The following PTPRQ variants were observed in gnomAD, a reference collection of about 807,000 sequenced individuals.
PTPRQ encodes the protein phosphatidylinositol phosphatase PTPRQ.
Under a neutral mutation model 246.0 loss-of-function variants are expected in PTPRQ, and 199 were observed. That is an observed-to-expected ratio of 0.81 (90% CI 0.72 to 0.91). PTPRQ has a LOEUF of 0.91. Ranked by LOEUF, PTPRQ falls within the 40% of genes least tolerant of loss-of-function variation. PTPRQ has a pLI of 0.00. For synonymous variants in PTPRQ, 869 were observed against 853.2 expected, an observed-to-expected ratio of 1.02 and a Z score of -0.32; for missense variants, 2,624 against 2,528.4, an observed-to-expected ratio of 1.04 and a Z score of -0.81.
At chr12:80,628,459 A>G (rs1899291038) in intron 33 of PTPRQ, among the ~76,000 whole-genome samples, 1 of 152,186 alleles carries the variant, frequency 6.6e-6, no homozygotes, top group African/African-American at 2.4e-5. Context: ...CTTGACTGTA[A>G]TACTTTGTGC....
At chr12:80,675,046 A>G (rs1700243038) in intron 43 of PTPRQ, among the ~76,000 whole-genome samples, 1 of 152,170 alleles carries the variant, frequency 6.6e-6, no homozygotes, top group Non-Finnish European at 1.5e-5. Context: ...TAGGTAAACT[A>G]GGTAATATAA....
chr12:80,642,836 C>T (rs1397979172), intron 35 of PTPRQ, among the ~76,000 whole-genome samples: 1 of 140,848 alleles, frequency 7.1e-6, no homozygotes, highest in Non-Finnish European at 1.5e-5. Context: ...AGGAGAATGG[C>T]GTGAACCCGG....
intron 20 of PTPRQ, 98 bp from the exon 21 acceptor site, chr12:80,541,457 G>A (rs1016012826): frequency 1.1e-6 from 1 of 933,110 alleles, no homozygotes; most frequent in Non-Finnish European, 1.4e-6. Flanking sequence ...AGCTGATGAT[G>A]TAATAGTTGC....
intron 25 of PTPRQ, among the ~76,000 whole-genome samples, chr12:80,565,916 A>C (rs1214409892): frequency 6.6e-6 from 1 of 152,302 alleles, no homozygotes; most frequent in South Asian, 2.1e-4. Flanking sequence ...GACACGCATA[A>C]GTTGCAGCCA....
Position 80,613,603 on chromosome 12 carries a change from C to T in PTPRQ, c.4930C>T (p.Pro1644Ser), listed in dbSNP as rs995056979. Reference sequence around the variant, plus strand: ...ATATTTTATTTTAGCCCCAAAGGACCCACCTAACAACATGACATTTCAGAA... The same window carrying T: ...ATATTTTATTTTAGCCCCAAAGGACTCACCTAACAACATGACATTTCAGAA... ...VTTLESAPKD[P>S]PNNMTFQKIP... Residue 1644 changes from proline (P) to serine (S), a missense_variant, in exon 29 of 45, where the codon CCA becomes TCA. Coordinates refer to ENST00000644991, the MANE Select transcript of PTPRQ (RefSeq NM_001145026.2). 1.2e-5 allele frequency: 19 copies of T among 1,528,200 alleles called. No individual in the cohort carries two copies. The highest frequency in any genetic ancestry group is 1.6e-5 in the Non-Finnish European group (18 of 1,135,804). The allele number at this position is 1,528,200 out of a possible 1,614,324, so 94.7% of individuals were successfully genotyped here.
chr12:80,578,273 A>G (rs1056406898), intron 25 of PTPRQ, among the ~76,000 whole-genome samples: 1 of 128,114 alleles, frequency 7.8e-6, no homozygotes, highest in South Asian at 2.5e-4. Context: ...TCCTGTGTCC[A>G]TGTGTTCTCA....
intron 29 of PTPRQ, among the ~76,000 whole-genome samples, chr12:80,615,078 C>G (rs925438858): frequency 6.6e-6 from 1 of 151,020 alleles, no homozygotes; most frequent in African/African-American, 2.4e-5. Flanking sequence ...CTTCTTTGCA[C>G]ACTGCAATTT....
Position 80,669,102 on chromosome 12 carries a change from A to C in PTPRQ, c.6288A>C (p.Lys2096Asn). Residue 2096 changes from lysine (K) to asparagine (N), a missense_variant, in exon 40 of 45, where the codon AAA becomes AAC. By Grantham distance (94) the Lys-to-Asn change is moderately conservative. Coordinates refer to ENST00000644991, the MANE Select transcript of PTPRQ (RefSeq NM_001145026.2). ...GAATGGTGTGGGAAACCAGAGCAAA[A>C]ACATTAGTAATGCTAACACAGTGTT... ...FWRMVWETRA[K>N]TLVMLTQCFE... 1 of 1,550,496 alleles carries C rather than the reference A, an allele frequency of 6.4e-7. No homozygotes were observed. The highest frequency in any genetic ancestry group is 1.4e-5 in the African/African-American group (1 of 73,042).
intron 27 of PTPRQ, among the ~76,000 whole-genome samples, chr12:80,606,321 T>C (rs1898319038): frequency 6.6e-6 from 1 of 150,974 alleles, no homozygotes; most frequent in African/African-American, 2.4e-5. Flanking sequence ...CACTATGGAA[T>C]GTGCAAAGTA....
chr12:80,546,121 C>T (rs1896298153), intron 23 of PTPRQ, among the ~76,000 whole-genome samples: 1 of 152,040 alleles, frequency 6.6e-6, no homozygotes, highest in Admixed American at 6.6e-5. Flanking sequence ...AGTTCAAGAC[C>T]AGCCTGGCCA....
At chr12:80,663,511 A>G (rs1900695194) in intron 39 of PTPRQ, among the ~76,000 whole-genome samples, 1 of 151,898 alleles carries the variant, frequency 6.6e-6, no homozygotes, top group Admixed American at 6.6e-5. Flanking sequence ...GCTTGAATTC[A>G]TGCTATCAAG....
At chr12:80,630,466 T>C (rs950396318) in intron 33 of PTPRQ, among the ~76,000 whole-genome samples, 3 of 152,182 alleles carry the variant, frequency 2.0e-5, no homozygotes, top group Non-Finnish European at 4.4e-5. Context: ...CAAAATACCT[T>C]CCATCAGGAA....
chr12:80,533,311 T>A (rs1214583354), intron 17 of PTPRQ, among the ~76,000 whole-genome samples: 2 of 152,010 alleles, frequency 1.3e-5, no homozygotes, highest in East Asian at 3.8e-4. Flanking sequence ...AGACTCTTTT[T>A]TCCCTTCCTG....
chr12:80,507,452 T>C (rs971191425), intron 16 of PTPRQ, among the ~76,000 whole-genome samples: 1 of 151,948 alleles, frequency 6.6e-6, no homozygotes, highest in African/African-American at 2.4e-5. Context: ...CATCTTTCTT[T>C]CTTTCAAGTT....
At chr12:80,673,518 T>G (rs1456858079) in intron 43 of PTPRQ, among the ~76,000 whole-genome samples, 1 of 152,128 alleles carries the variant, frequency 6.6e-6, no homozygotes, top group Non-Finnish European at 1.5e-5. Context: ...GCATTGTTAC[T>G]GATGGCTCAT....
rs902888826 is a variant in PTPRQ at position 80,642,919 on chromosome 12, T to TAA, written c.5916-5952_5916-5951dup. Among the ~76,000 whole-genome samples, 66 of 77,214 alleles carry TAA rather than the reference T, an allele frequency of 8.5e-4. 2 individuals are homozygous for TAA. Among genetic ancestry groups the TAA allele is most frequent in the Non-Finnish European group, 1.3e-3 (43 of 33,738 alleles). The allele number at this position is 77,214 out of a possible 152,430, so 50.7% of individuals were successfully genotyped here. On this transcript the variant is annotated intron_variant, in intron 35 of 44. Coordinates refer to ENST00000644991, the MANE Select transcript of PTPRQ (RefSeq NM_001145026.2). ...TGGGCGACAGAGCGAGACTCCGTCTTAAAAAAAAAAAAAAAAAAAAAAAAA... is the reference window on the plus strand; with the variant it reads ...TGGGCGACAGAGCGAGACTCCGTCTTAAAAAAAAAAAAAAAAAAAAAAAAAAA...
intron 38 of PTPRQ, 85 bp from the exon 39 acceptor site, chr12:80,657,900 A>T: frequency 2.0e-6 from 2 of 987,726 alleles, no homozygotes; most frequent in Admixed American, 7.9e-5. Context: ...TTATATTATG[A>T]ACTCCTTTGT....
At chr12:80,449,650 T>A (rs1011732394) in intron 3 of PTPRQ, among the ~76,000 whole-genome samples, 4 of 151,990 alleles carry the variant, frequency 2.6e-5, no homozygotes, top group African/African-American at 9.7e-5. Flanking sequence ...CCCCATTGCT[T>A]GTTTTTCTCA....
Position 80,610,586 on chromosome 12 carries a change from A to G in PTPRQ, c.4879A>G (p.Lys1627Glu). ...CATTAGTGCTGCATATGTAGAAGGG[A>G]AGTCAAGTGCTGAAATGATTGTTAC... Reference protein sequence around the residue: ...GNISAAYVEGKSSAEMIVTTL... With the variant: ...GNISAAYVEGESSAEMIVTTL... Residue 1627 changes from lysine (K) to glutamate (E), a missense_variant, in exon 28 of 45, where the codon AAG (lysine) becomes GAG (glutamate). Physicochemically the swap from Lys to Glu is moderately conservative, Grantham distance 56. Transcript: ENST00000644991. 1.3e-6 allele frequency: 2 copies of G among 1,543,610 alleles called. No homozygotes were observed. Among genetic ancestry groups the G allele is most frequent in the Non-Finnish European group, 1.8e-6 (2 of 1,141,368 alleles).
Sources: gnomAD v4.1 joint callset for allele counts (sites outside exome capture counted in the v4.1 genomes callset) on GRCh38, gnomAD v4.1.1 for gene constraint, MANE v1.5 for transcripts, NCBI Gene and HGNC (gene_info 2026-07-23, HGNC 2026-07-21) for gene names.